Variants in CSMD1 observed in about 807,000 individuals in gnomAD.
CSMD1 encodes CUB and sushi domain-containing protein 1.
In CSMD1, 213 loss-of-function variants were observed where a neutral mutation model predicts 417.5. The ratio of observed to expected loss-of-function variants is 0.51; its 90% CI spans 0.46 to 0.57. The LOEUF (loss-of-function observed/expected upper bound fraction) is 0.57. Among genes scored for constraint, CSMD1 ranks in the 20% least tolerant of loss-of-function variants. The pLI is 0.00. For missense variants in CSMD1, 6,923 were observed against 4,529.7 expected (o/e 1.53, Z -15.17); for synonymous variants, 2,862 against 1,736.8 (o/e 1.65, Z -16.11).
chr8:3,877,466 G>A (rs183411748), intron 5 of CSMD1, among the ~76,000 whole-genome samples: 219 of 152,208 alleles, frequency 1.4e-3, no homozygotes, highest in African/African-American at 4.7e-3. Flanking sequence ...AGGCCCTACA[G>A]CTCTCTCAAT....
intron 3 of CSMD1, among the ~76,000 whole-genome samples, chr8:4,127,568 A>G (rs1802841255): frequency 6.6e-6 from 1 of 151,808 alleles, no homozygotes; most frequent in African/African-American, 2.4e-5. Context: ...TCCTTTCCAC[A>G]GAGGGATTTT....
chr8:3,528,403 G>T (rs10216698), intron 10 of CSMD1, among the ~76,000 whole-genome samples: 3 of 152,116 alleles, frequency 2.0e-5, no homozygotes, highest in East Asian at 3.9e-4. Context: ...TAGCACTCGT[G>T]GGGGAAGGAG....
At chr8:3,542,956 G>C (rs1447689830) in intron 10 of CSMD1, among the ~76,000 whole-genome samples, 1 of 152,168 alleles carries the variant, frequency 6.6e-6, no homozygotes, top group Non-Finnish European at 1.5e-5. Flanking sequence ...CCCGCTGGCA[G>C]TGAATATGGG....
At chr8:3,130,124 T>C in intron 41 of CSMD1, among the ~76,000 whole-genome samples, 1 of 152,212 alleles carries the variant, frequency 6.6e-6, no homozygotes, top group East Asian at 1.9e-4. Context: ...TATGTTCTAT[T>C]TTTCTTATTG....
intron 5 of CSMD1, among the ~76,000 whole-genome samples, chr8:3,792,947 C>G (rs1462550516): frequency 2.0e-5 from 3 of 152,278 alleles, no homozygotes; most frequent in South Asian, 4.2e-4. Flanking sequence ...TTCAGATGCA[C>G]AACTGCCACT....
chr8:4,070,083 G>C (rs374216749), intron 3 of CSMD1, among the ~76,000 whole-genome samples: 3 of 151,460 alleles, frequency 2.0e-5, no homozygotes, highest in East Asian at 1.9e-4. Context: ...GTTTGCTCTT[G>C]GAATTAAAGA....
At chr8:3,939,081 C>A (rs549746539) in intron 5 of CSMD1, among the ~76,000 whole-genome samples, 64 of 152,020 alleles carry the variant, frequency 4.2e-4, no homozygotes, top group Non-Finnish European at 7.2e-4. Flanking sequence ...ATAAATAAAT[C>A]TCCTAAGATG....
chr8:4,701,797 G>A (rs1297385782), intron 1 of CSMD1, among the ~76,000 whole-genome samples: 2 of 151,912 alleles, frequency 1.3e-5, no homozygotes, highest in South Asian at 2.1e-4. Flanking sequence ...AAGATTTAAT[G>A]AAGATGCATA....
chr8:3,802,820 C>G (rs978708088), intron 5 of CSMD1, among the ~76,000 whole-genome samples: 1 of 152,132 alleles, frequency 6.6e-6, no homozygotes, highest in Non-Finnish European at 1.5e-5. Context: ...ATTCGTTTCT[C>G]CATCAAGTGA....
intron 7 of CSMD1, among the ~76,000 whole-genome samples, chr8:3,642,398 T>G (rs1797351780): frequency 1.3e-5 from 2 of 152,144 alleles, no homozygotes; most frequent in African/African-American, 2.4e-5. Flanking sequence ...CACTTTCCCA[T>G]GAGTTTATAA....
At chr8:3,104,882 T>C (rs1284557288) in intron 46 of CSMD1, among the ~76,000 whole-genome samples, 3 of 152,058 alleles carry the variant, frequency 2.0e-5, no homozygotes, top group Admixed American at 6.6e-5. Context: ...TAATTTTGTA[T>C]TTTCAGTAGA....
chr8:3,945,163 T>C (rs1811133938), intron 5 of CSMD1, among the ~76,000 whole-genome samples: 1 of 128,712 alleles, frequency 7.8e-6, no homozygotes. Context: ...GCCAATAATT[T>C]GACCATGAGA....
At chr8:3,947,418 G>C (rs1163302913) in intron 5 of CSMD1, among the ~76,000 whole-genome samples, 1 of 152,060 alleles carries the variant, frequency 6.6e-6, no homozygotes, top group African/African-American at 2.4e-5. Context: ...TAAATCACTG[G>C]ATCTTATTTC....
At chr8:3,681,090 T>C (rs1799637597) in intron 7 of CSMD1, among the ~76,000 whole-genome samples, 1 of 152,156 alleles carries the variant, frequency 6.6e-6, no homozygotes, top group Non-Finnish European at 1.5e-5. Flanking sequence ...TCATACTGAA[T>C]GGGCAAAAAC....
At chr8:3,644,660 G>A (rs916083096) in intron 7 of CSMD1, among the ~76,000 whole-genome samples, 4 of 152,104 alleles carry the variant, frequency 2.6e-5, no homozygotes, top group African/African-American at 7.2e-5. Context: ...AGGGCAGCAG[G>A]TTCAAGTGGC....
chr8:3,878,572 C>G (rs1010376052), intron 5 of CSMD1, among the ~76,000 whole-genome samples: 57 of 152,100 alleles, frequency 3.7e-4, no homozygotes, highest in Non-Finnish European at 1.6e-4. Flanking sequence ...GAAAAAATTG[C>G]GTGCATTATT....
chr8:3,709,680 GTTTTTTTTTTTTTTTT>G (rs56272726), intron 6 of CSMD1, among the ~76,000 whole-genome samples: 4,496 of 33,798 alleles, frequency 0.13, 222 homozygotes, highest in Middle Eastern at 0.34. Flanking sequence ...GCAGCAGCAT[GTTTTTTTTTTTTTTTT>G]TTTTTTTTTT....
intron 8 of CSMD1, among the ~76,000 whole-genome samples, chr8:3,587,178 A>G (rs1278088735): frequency 6.6e-6 from 1 of 152,242 alleles, no homozygotes; most frequent in East Asian, 1.9e-4. Flanking sequence ...ATTTGCAAAC[A>G]TGGAGCTTTA....
intron 21 of CSMD1, among the ~76,000 whole-genome samples, chr8:3,356,910 G>A (rs1243439092): frequency 6.6e-6 from 1 of 152,238 alleles, no homozygotes; most frequent in Non-Finnish European, 1.5e-5. Flanking sequence ...CACTGACCAG[G>A]CTCTGTTACA....
Sources: allele counts gnomAD v4.1 joint callset (sites outside exome capture counted in the v4.1 genomes callset), GRCh38; gene constraint gnomAD v4.1.1; transcripts MANE v1.5; gene names NCBI Gene and HGNC (gene_info 2026-07-23, HGNC 2026-07-21).